CLEC4A: variants seen among roughly 807,000 people sequenced by gnomAD.
The protein encoded by CLEC4A is C-type (calcium dependent, carbohydrate-recognition domain) lectin, superfamily member 6.
In CLEC4A, 27 loss-of-function variants were observed where a neutral mutation model predicts 32.7. That is an observed-to-expected ratio of 0.83 (90% confidence interval 0.61 to 1.14). The LOEUF (loss-of-function observed/expected upper bound fraction) is 1.14, where lower values mean the gene tolerates loss of function less well. Among genes scored for constraint, CLEC4A ranks in the 50% most tolerant of loss-of-function variants. The pLI is 0.00. For missense variants in CLEC4A, 253 were observed against 274.6 expected (o/e 0.92, Z 0.55); for synonymous variants, 89 against 93.7 (o/e 0.95, Z 0.29).
chr12:8,133,884 C>T (rs1452041793), intron 3 of CLEC4A: 11 of 1,587,498 alleles, frequency 6.9e-6, no homozygotes, highest in Non-Finnish European at 8.6e-6. Context: ...CTCCCATAGC[C>T]TGGGGTACCA....
intron 3 of CLEC4A, chr12:8,134,988 TTTTTTTTAATCATGGCTGC>T: frequency 3.8e-6 from 1 of 261,756 alleles, no homozygotes; most frequent in Non-Finnish European, 6.1e-6. Flanking sequence ...TGTTTTTTGT[TTTTTTTTAATCATGGCTGC>T]TTTTAAATCT....
chr12:8,125,787 T>A (rs1947891795), intron 2 of CLEC4A, 110 bp downstream of exon 2: 1 of 697,008 alleles, frequency 1.4e-6, no homozygotes, highest in East Asian at 2.6e-5. Context: ...GAAATGAAAT[T>A]TTCTCTGGGG....
chr12:8,134,083 C>T lies in CLEC4A; in HGVS notation c.299-1502C>T, dbSNP rs780608976. ...GCTGGGCGATGTGGCTGATCTGCTGCAGTGTGGGTTTCGGGCACCGCAGGA... is the reference window on the plus strand; with the variant it reads ...GCTGGGCGATGTGGCTGATCTGCTGTAGTGTGGGTTTCGGGCACCGCAGGA... On this transcript the variant is annotated intron_variant, in intron 3 of 5. Transcript: ENST00000229332. The T allele has an allele frequency of 2.5e-5, 40 of 1,589,284 alleles. 1 individual carries two copies. In the South Asian group the frequency reaches 4.5e-4, roughly 18 times the overall value.
chr12:8,133,155 T>C (rs112440288), intron 3 of CLEC4A, among the ~76,000 whole-genome samples: 7 of 152,346 alleles, frequency 4.6e-5, no homozygotes, highest in African/African-American at 1.7e-4. Context: ...TCTCAGGTGA[T>C]CCATCCACCT....
At chr12:8,108,874 C>G in the CLEC4A span, among the ~76,000 whole-genome samples, 1 of 152,094 alleles carries the variant, frequency 6.6e-6, no homozygotes, top group Non-Finnish European at 1.5e-5. Flanking sequence ...TTTTGACTTG[C>G]TTTTCAACAT....
the CLEC4A span, among the ~76,000 whole-genome samples, chr12:8,114,399 C>A: frequency 6.6e-6 from 1 of 152,132 alleles, no homozygotes; most frequent in Non-Finnish European, 1.5e-5. Context: ...CGCCCGCCAC[C>A]ACGCCCGGCT....
chr12:8,124,278 T>G (rs1164864503), intron 1 of CLEC4A, among the ~76,000 whole-genome samples: 1 of 152,132 alleles, frequency 6.6e-6, no homozygotes, highest in Non-Finnish European at 1.5e-5. Context: ...TGAGTGGGGC[T>G]GGGGTTAAGA....
At chr12:8,136,697 C>G in intron 4 of CLEC4A, 91 bp from the exon 5 acceptor site, 1 of 740,206 alleles carries the variant, frequency 1.4e-6, no homozygotes, top group Admixed American at 2.2e-5. Flanking sequence ...TTGCTGGATC[C>G]TCTCCTTTTC....
chr12:8,109,640 C>T, the CLEC4A span, among the ~76,000 whole-genome samples: 1 of 152,106 alleles, frequency 6.6e-6, no homozygotes, highest in Non-Finnish European at 1.5e-5. Flanking sequence ...CGCTTGAGCC[C>T]AGGATTTTGA....
upstream of CLEC4A, among the ~76,000 whole-genome samples, chr12:8,120,026 A>G (rs762697876): frequency 2.6e-5 from 4 of 152,352 alleles, no homozygotes; most frequent in African/African-American, 9.6e-5. Context: ...TGCATGGGGT[A>G]AGGACTGAGA....
At chr12:8,131,809 T>C (rs532250648) in intron 3 of CLEC4A, among the ~76,000 whole-genome samples, 87 of 100,746 alleles carry the variant, frequency 8.6e-4, no homozygotes, top group African/African-American at 2.4e-3. Context: ...CATGTACTCA[T>C]GGAGATATAT....
upstream of CLEC4A, among the ~76,000 whole-genome samples, chr12:8,118,958 C>A (rs1025653192): frequency 7.9e-5 from 12 of 152,200 alleles, no homozygotes; most frequent in Admixed American, 2.0e-4. Context: ...TTAGAAGATA[C>A]AATCATCACC....
the CLEC4A span, among the ~76,000 whole-genome samples, chr12:8,115,737 T>G: frequency 6.6e-6 from 1 of 152,172 alleles, no homozygotes; most frequent in Admixed American, 6.6e-5. Context: ...TTTGCTTATT[T>G]ATTAACTGGA....
At chr12:8,117,470 C>G in the CLEC4A span, among the ~76,000 whole-genome samples, 7 of 152,084 alleles carry the variant, frequency 4.6e-5, no homozygotes, top group Non-Finnish European at 7.4e-5. Flanking sequence ...AATTCCTGAC[C>G]TCAGGTGATC....
At chr12:8,134,975 T>TTTTTTTTTTTTTG (rs1252899557) in intron 3 of CLEC4A, 5 of 304,558 alleles carry the variant, frequency 1.6e-5, no homozygotes, top group Non-Finnish European at 2.0e-5. Context: ...GTTGAAGCGT[T>TTTTTTTTTTTTTG]TTTGTTTTTT....
At chr12:8,136,927 AATCTTGGGTCCTGG>A in intron 5 of CLEC4A, 24 bp downstream of exon 5, 1 of 1,505,154 alleles carries the variant, frequency 6.6e-7, no homozygotes, top group Non-Finnish European at 9.2e-7. Flanking sequence ...GAGATAAAAG[AATCTTGGGTCCTGG>A]ATCATGCAGA....
At chr12:8,104,088 A>T in the CLEC4A span, among the ~76,000 whole-genome samples, 1 of 151,700 alleles carries the variant, frequency 6.6e-6, no homozygotes, top group Non-Finnish European at 1.5e-5. Context: ...TCTGTATTTT[A>T]CTCATTTTCA....
chr12:8,109,304 G>T, the CLEC4A span, among the ~76,000 whole-genome samples: 1 of 152,024 alleles, frequency 6.6e-6, no homozygotes, highest in Non-Finnish European at 1.5e-5. Flanking sequence ...CTTGAATGGG[G>T]AATATACTTA....
intron 5 of CLEC4A, 66 bp from the exon 6 acceptor site, chr12:8,138,074 C>A: frequency 1.3e-6 from 2 of 1,536,224 alleles, no homozygotes; most frequent in South Asian, 1.2e-5. Flanking sequence ...CGCTCCTCAC[C>A]CCTGTCTCTA....
Sources: allele counts gnomAD v4.1 joint callset (sites outside exome capture counted in the v4.1 genomes callset), GRCh38; gene constraint gnomAD v4.1.1; transcripts MANE v1.5; gene names NCBI Gene and HGNC (gene_info 2026-07-23, HGNC 2026-07-21).